Variants in CHLSN observed in about 807,000 individuals in gnomAD.
CHLSN encodes the protein cholesin.
the CHLSN span, among the ~76,000 whole-genome samples, chr7:1,047,877 C>T: frequency 6.6e-6 from 1 of 152,244 alleles, no homozygotes; most frequent in Non-Finnish European, 1.5e-5. Context: ...TGGTGGATCA[C>T]TCGCCTTGGG....
chr7:1,004,266 T>C, the CHLSN span, among the ~76,000 whole-genome samples: 1 of 152,122 alleles, frequency 6.6e-6, no homozygotes, highest in Non-Finnish European at 1.5e-5. Context: ...GGGGGCTGTT[T>C]TACTGCTGCA....
chr7:1,054,042 G>A, the CHLSN span, among the ~76,000 whole-genome samples: 1 of 152,138 alleles, frequency 6.6e-6, no homozygotes, highest in Non-Finnish European at 1.5e-5. Flanking sequence ...CTGCTGACCT[G>A]CCTTCCTTCC....
chr7:1,037,639 C>T, the CHLSN span, among the ~76,000 whole-genome samples: 2 of 141,454 alleles, frequency 1.4e-5, no homozygotes, highest in East Asian at 2.0e-4. Flanking sequence ...CCCAAAGTGC[C>T]GAGATTGCAG....
At chr7:1,114,381 T>C in the CHLSN span, among the ~76,000 whole-genome samples, 13 of 152,210 alleles carry the variant, frequency 8.5e-5, no homozygotes, top group African/African-American at 3.1e-4. Context: ...AAGAGGCAAA[T>C]GCGCCCCTGT....
the CHLSN span, among the ~76,000 whole-genome samples, chr7:1,082,702 C>T: frequency 6.6e-6 from 1 of 152,196 alleles, no homozygotes; most frequent in Non-Finnish European, 1.5e-5. Flanking sequence ...GCTGCATGAT[C>T]CTGGTCCTGT....
the CHLSN span, among the ~76,000 whole-genome samples, chr7:1,099,747 G>C: frequency 6.6e-6 from 1 of 152,236 alleles, no homozygotes; most frequent in Non-Finnish European, 1.5e-5. Context: ...CGTCTGACCT[G>C]TGCACAGATG....
chr7:1,012,497 G>C, the CHLSN span, among the ~76,000 whole-genome samples: 1 of 152,174 alleles, frequency 6.6e-6, no homozygotes, highest in African/African-American at 2.4e-5. Flanking sequence ...CACCAGCCTG[G>C]ATGCTGCGGA....
the CHLSN span, chr7:985,182 G>A: frequency 1.9e-6 from 3 of 1,572,452 alleles, no homozygotes; most frequent in Non-Finnish European, 2.6e-6. Flanking sequence ...CCTTCCCGCT[G>A]GCCCTACTGG....
the CHLSN span, among the ~76,000 whole-genome samples, chr7:1,133,932 G>C: frequency 6.6e-6 from 1 of 151,950 alleles, no homozygotes; most frequent in South Asian, 2.1e-4. Context: ...TCAGCCTCCG[G>C]AGTAGCTGGC....
the CHLSN span, among the ~76,000 whole-genome samples, chr7:1,070,800 C>T: frequency 7.5e-6 from 1 of 132,742 alleles, no homozygotes; most frequent in Non-Finnish European, 1.6e-5. Context: ...CGCACGTGCA[C>T]ACATGCACAC....
chr7:1,082,345 T>G, the CHLSN span: 1 of 152,020 alleles, frequency 6.6e-6, no homozygotes, highest in Non-Finnish European at 1.5e-5. Context: ...TGAGAGAGGG[T>G]GGCGGGGGCG....
the CHLSN span, among the ~76,000 whole-genome samples, chr7:995,126 A>G: frequency 6.6e-6 from 1 of 152,250 alleles, no homozygotes; most frequent in Non-Finnish European, 1.5e-5. Context: ...GTTCTCTGGC[A>G]CACACAGCCC....
chr7:1,112,663 C>A, the CHLSN span, among the ~76,000 whole-genome samples: 1 of 150,400 alleles, frequency 6.6e-6, no homozygotes, highest in Non-Finnish European at 1.5e-5. Flanking sequence ...GGACATTAAT[C>A]GGCTGTCCTC....
At chr7:979,007 T>C in the CHLSN span, among the ~76,000 whole-genome samples, 1 of 152,164 alleles carries the variant, frequency 6.6e-6, no homozygotes, top group Non-Finnish European at 1.5e-5. Context: ...TGGGCCCCTC[T>C]ACGAGCTGCT....
At chr7:1,059,838 G>A in the CHLSN span, among the ~76,000 whole-genome samples, 200 of 55,438 alleles carry the variant, frequency 3.6e-3, 2 homozygotes, top group Admixed American at 4.6e-3. Context: ...CGGGTCTGTA[G>A]TGAGGCGGGT....
chr7:1,009,008 C>CGT, the CHLSN span, among the ~76,000 whole-genome samples: 3 of 146,516 alleles, frequency 2.0e-5, no homozygotes, highest in South Asian at 2.1e-4. Context: ...CACGCACACA[C>CGT]ACACACATAC....
At chr7:1,103,346 A>G in the CHLSN span, among the ~76,000 whole-genome samples, 2 of 152,208 alleles carry the variant, frequency 1.3e-5, no homozygotes, top group Non-Finnish European at 2.9e-5. Flanking sequence ...ACCCTCGCGC[A>G]GGGAGGCACA....
the CHLSN span, chr7:1,092,259 C>A: frequency 3.7e-6 from 6 of 1,612,180 alleles, no homozygotes; most frequent in African/African-American, 2.7e-5. Flanking sequence ...CCCGGCTGAG[C>A]TGTGGCCTCA....
At chr7:1,078,037 C>T in the CHLSN span, 1 of 152,128 alleles carries the variant, frequency 6.6e-6, no homozygotes, top group Non-Finnish European at 1.5e-5. Flanking sequence ...AGATTGGCCC[C>T]ATTAAATAAA....
Sources: gnomAD v4.1 joint callset for allele counts (sites outside exome capture counted in the v4.1 genomes callset) on GRCh38, gnomAD v4.1.1 for gene constraint, MANE v1.5 for transcripts, NCBI Gene and HGNC (gene_info 2026-07-23, HGNC 2026-07-21) for gene names.